P2RY2: variants seen among roughly 807,000 people sequenced by gnomAD.
The protein encoded by P2RY2 is purinergic receptor P2Y2, also known as P2Y purinoceptor 2.
For missense variants in P2RY2, 567 were observed against 515.7 expected, an observed-to-expected ratio of 1.10 and a Z score of -0.96; for synonymous variants, 241 against 231.9, an observed-to-expected ratio of 1.04 and a Z score of -0.35.
Position 73,234,418 on chromosome 11 carries a change from C to A in P2RY2, c.259C>A (p.Pro87Thr), listed in dbSNP as rs150943080. ...TGATGCACTGTATGCGGCCTCCCTG[C>A]CGCTGCTGGTCTATTACTACGCCCG... ...VSDALYAASL[P>T]LLVYYYARGD... The change falls in exon 3 of 3, where the codon CCG becomes ACG. Residue 87 changes from proline to threonine, a missense_variant. Coordinates refer to ENST00000393597, the MANE Select transcript of P2RY2 (RefSeq NM_002564.4). 3.7e-6 allele frequency: 6 copies of A among 1,614,088 alleles called. No homozygotes were observed. The African/African-American group carries it at 8.0e-5, about 22-fold the overall frequency.
chr11:73,222,962 C>T (rs561257298), intron 1 of P2RY2, among the ~76,000 whole-genome samples: 1 of 152,326 alleles, frequency 6.6e-6, no homozygotes, highest in East Asian at 1.9e-4. Flanking sequence ...AGGCCAGGTG[C>T]ACCAGAGCAT....
Position 73,236,785 on chromosome 11 carries a change from G to C in P2RY2, c.*1492G>C, listed in dbSNP as rs568668794. On this transcript the variant is annotated 3_prime_UTR_variant, in exon 3 of 3. Coordinates refer to ENST00000393597, the MANE Select transcript of P2RY2 (RefSeq NM_002564.4). Reference sequence around the variant, plus strand: ...GAATGGCAGGGTGGTGCTCAGGCTGGGTCAGGACTTAGTATGGGGGAGATG... The same window carrying C: ...GAATGGCAGGGTGGTGCTCAGGCTGCGTCAGGACTTAGTATGGGGGAGATG... 3 of 985,282 alleles carry C rather than the reference G, an allele frequency of 3.0e-6. No homozygotes were observed. The African/African-American group carries it at 5.2e-5, about 17-fold the overall frequency. The allele number at this position is 985,282 out of a possible 1,614,324, so 61.0% of individuals were successfully genotyped here.
intron 2 of P2RY2, among the ~76,000 whole-genome samples, chr11:73,233,259 G>T (rs1862512463): frequency 6.6e-6 from 1 of 152,226 alleles, no homozygotes; most frequent in Non-Finnish European, 1.5e-5. Context: ...GATAGATATA[G>T]AAAGTGCCAG....
At chr11:73,224,745 C>A (rs1485093437) in intron 1 of P2RY2, among the ~76,000 whole-genome samples, 1 of 152,190 alleles carries the variant, frequency 6.6e-6, no homozygotes, top group Non-Finnish European at 1.5e-5. Flanking sequence ...CTGGTTGTGA[C>A]CTTCCTGTAT....
chr11:73,230,773 G>T (rs1862429611), intron 2 of P2RY2, among the ~76,000 whole-genome samples: 1 of 152,140 alleles, frequency 6.6e-6, no homozygotes, highest in African/African-American at 2.4e-5. Flanking sequence ...GGTTGGGGCG[G>T]GTGAGGTTGG....
At position 73,234,517 on chromosome 11, in the gene P2RY2, A is replaced by G; in HGVS notation, c.358A>G (p.Ser120Gly). 6.2e-7 allele frequency: 1 copy of G among 1,612,234 alleles called. No individual in the cohort carries two copies. Among genetic ancestry groups the G allele is most frequent in the Non-Finnish European group, 8.5e-7 (1 of 1,178,746 alleles). Residue 120 changes from serine (S) to glycine (G), a missense_variant, in exon 3 of 3, where the codon AGC (serine) becomes GGC (glycine). By Grantham distance (56) the Ser-to-Gly change is moderately conservative. Transcript: ENST00000393597. ...RFLFYTNLYC[S>G]ILFLTCISVH... ...CCTCTTCTACACCAACCTTTACTGC[A>G]GCATCCTCTTCCTCACCTGCATCAG...
chr11:73,219,479 T>C (rs1862058882), intron 1 of P2RY2, among the ~76,000 whole-genome samples: 1 of 152,178 alleles, frequency 6.6e-6, no homozygotes, highest in Non-Finnish European at 1.5e-5. Context: ...TTGAGGGCTG[T>C]TGAGGAGCTG....
At position 73,241,031 on chromosome 11, in the gene P2RY2, G is replaced by A. The variant is rs1056418743; in HGVS notation, c.*5738G>A. 6 of 152,194 alleles carry A rather than the reference G, an allele frequency of 3.9e-5. No individual in the cohort carries two copies. The highest frequency in any genetic ancestry group is 2.0e-4 in the Admixed American group (3 of 15,278). The allele number at this position is 152,194 out of a possible 1,614,324, so 9.4% of individuals were successfully genotyped here. A position where few individuals can be genotyped will look rare whatever the true frequency, so the allele number is the denominator to read the frequency against. The stretch of plus-strand genomic sequence containing the variant: ...TCCTAAGGGTGCAGCCCTCATGAAT[G>A]GGTTTAGTGCCCTTACAGAATGGAC... On this transcript the variant is annotated 3_prime_UTR_variant, in exon 3 of 3. Transcript: ENST00000393597.
At position 73,237,587 on chromosome 11, in the gene P2RY2, C is replaced by T. The variant is rs535437949; in HGVS notation, c.*2294C>T. ...TTAATGATTGCCTGTTACAAACCACCCTTGAGCCTTTCCCACAGGCCCGAG... is the reference window on the plus strand; with the variant it reads ...TTAATGATTGCCTGTTACAAACCACTCTTGAGCCTTTCCCACAGGCCCGAG... On this transcript the variant is annotated 3_prime_UTR_variant, in exon 3 of 3. Transcript: ENST00000393597. Among the ~76,000 whole-genome samples the T allele has an allele frequency of 1.8e-4, 27 of 152,252 alleles. 1 individual carries two copies. In the South Asian group the frequency reaches 5.6e-3, roughly 32 times the overall value.
intron 1 of P2RY2, among the ~76,000 whole-genome samples, chr11:73,227,072 C>T (rs1862299119): frequency 6.6e-6 from 1 of 152,130 alleles, no homozygotes; most frequent in African/African-American, 2.4e-5. Flanking sequence ...AATGTTATCC[C>T]TCCCCTAGCC....
At position 73,240,239 on chromosome 11, in the gene P2RY2, TG is replaced by T. The variant is rs1565149451; in HGVS notation, c.*4951del. On this transcript the variant is annotated 3_prime_UTR_variant, in exon 3 of 3. Coordinates refer to ENST00000393597, the MANE Select transcript of P2RY2 (RefSeq NM_002564.4). ...GGCAGGGCCAGTCACCCCCTGTCCC[TG>T]GGGGCTCCACCCACGGCCCTGGACT... The T allele has an allele frequency of 6.6e-6, 1 of 152,566 alleles. No individual in the cohort carries two copies. The highest frequency in any genetic ancestry group is 1.5e-5 in the Non-Finnish European group (1 of 68,220). The allele number at this position is 152,566 out of a possible 1,614,324, so 9.5% of individuals were successfully genotyped here. A position where few individuals can be genotyped will look rare whatever the true frequency, so the allele number is the denominator to read the frequency against.
At chr11:73,222,169 C>T (rs1039821544) in intron 1 of P2RY2, among the ~76,000 whole-genome samples, 1 of 152,114 alleles carries the variant, frequency 6.6e-6, no homozygotes, top group Non-Finnish European at 1.5e-5. Flanking sequence ...GGGAAAGGGA[C>T]CTCCCTCAGA....
rs1862671997 is a variant in P2RY2 at position 73,237,083 on chromosome 11, C to T, written c.*1790C>T. ...CCCCAAAGCTTGCTGTATTTGGAGC[C>T]TGACTCCACAGCGCCCTCATGTGAC... On this transcript the variant is annotated 3_prime_UTR_variant, in exon 3 of 3. Transcript: ENST00000393597. 1 of 985,260 alleles carries T rather than the reference C, an allele frequency of 1.0e-6. No individual in the cohort carries two copies. The highest frequency in any genetic ancestry group is 1.7e-5 in the African/African-American group (1 of 57,208). 61.0% of individuals were successfully genotyped at this position (985,260 alleles called of 1,614,324 possible).
rs900443102 is a variant in P2RY2, at chr11:73,235,478, C to T, written c.*185C>T. The T allele has an allele frequency of 1.5e-6, 2 of 1,343,206 alleles. No individual in the cohort carries two copies. Among genetic ancestry groups the T allele is most frequent in the South Asian group, 4.8e-5 (2 of 41,846 alleles). The allele number at this position is 1,343,206 out of a possible 1,614,324, so 83.2% of individuals were successfully genotyped here. On this transcript the variant is annotated 3_prime_UTR_variant, in exon 3 of 3. Coordinates refer to ENST00000393597, the MANE Select transcript of P2RY2 (RefSeq NM_002564.4). ...GGTCCAGAGTCAACTGTTCCCATAA[C>T]CCCTAGTCATCGTTTGTGTGTATAA...
chr11:73,221,595 G>A (rs1565134443), intron 1 of P2RY2, among the ~76,000 whole-genome samples: 1 of 152,172 alleles, frequency 6.6e-6, no homozygotes, highest in East Asian at 1.9e-4. Context: ...TGAGGGGAGT[G>A]GGGGTTGCCC....
At position 73,234,482 on chromosome 11, in the gene P2RY2, T is replaced by C; in HGVS notation, c.323T>C (p.Leu108Pro). The C allele has an allele frequency of 1.2e-6, 2 of 1,614,168 alleles. No homozygotes were observed. The highest frequency in any genetic ancestry group is 1.7e-6 in the Non-Finnish European group (2 of 1,180,016). Residue 108 changes from leucine to proline, a missense_variant, in exon 3 of 3, where the codon CTG (leucine) becomes CCG (proline). By Grantham distance (98) the Leu-to-Pro change is moderately conservative. Coordinates refer to ENST00000393597, the MANE Select transcript of P2RY2 (RefSeq NM_002564.4). ...HWPFSTVLCK[L>P]VRFLFYTNLY... ...CCCTTCAGCACGGTGCTCTGCAAGC[T>C]GGTGCGCTTCCTCTTCTACACCAAC...
At position 73,234,721 on chromosome 11, in the gene P2RY2, G is replaced by GCTCTT; in HGVS notation, c.563_564insTCTTC (p.Pro189LeufsTer40). On this transcript the variant is annotated frameshift_variant, in exon 3 of 3. Coordinates refer to ENST00000393597, the MANE Select transcript of P2RY2 (RefSeq NM_002564.4). LOFTEE classifies it low-confidence loss of function (END_TRUNC). ...CCGCGTAACCTGCCACGACACCTCGGCACCCGAGCTCTTCAGCCGCTTCGT... is the reference window on the plus strand; with the variant it reads ...CCGCGTAACCTGCCACGACACCTCGGCTCTTCACCCGAGCTCTTCAGCCGCTTCGT... 1.2e-6 allele frequency: 2 copies of GCTCTT among 1,608,644 alleles called. No individual in the cohort carries two copies. Among genetic ancestry groups the GCTCTT allele is most frequent in the Non-Finnish European group, 1.7e-6 (2 of 1,179,358 alleles).
rs1171882907 is a variant in P2RY2, at chr11:73,235,036, C to A, written c.877C>A (p.Pro293Thr). 1 of 1,608,280 alleles carries A rather than the reference C, an allele frequency of 6.2e-7. No homozygotes were observed. Among genetic ancestry groups the A allele is most frequent in the Admixed American group, 1.7e-5 (1 of 60,028 alleles). Residue 293 changes from proline to threonine, a missense_variant, in exon 3 of 3, where the codon CCG becomes ACG. Pro to Thr is a conservative substitution (Grantham distance 38, BLOSUM62 -1). Transcript: ENST00000393597. ...AINMAYKVTR[P>T]LASANSCLDP... The stretch of plus-strand genomic sequence containing the variant: ...CAACATGGCCTACAAGGTTACCCGG[C>A]CGCTGGCCAGTGCTAACAGTTGCCT...
In P2RY2 at chr11:73,235,315, G is replaced by A. The variant is rs759522848; in HGVS notation, c.*22G>A. The A allele has an allele frequency of 1.3e-6, 2 of 1,525,224 alleles. No homozygotes were observed. Among genetic ancestry groups the A allele is most frequent in the South Asian group, 1.3e-5 (1 of 76,598 alleles). 94.5% of individuals were successfully genotyped at this position (1,525,224 alleles called of 1,614,324 possible). ...GTAGGAGCAGAACACTTCAGCCTGT[G>A]CAGGTTTATATTGGGAAGCTGTAGA... On this transcript the variant is annotated 3_prime_UTR_variant, in exon 3 of 3. Transcript: ENST00000393597.
Sources: gnomAD v4.1 joint callset for allele counts (sites outside exome capture counted in the v4.1 genomes callset) on GRCh38, gnomAD v4.1.1 for gene constraint, MANE v1.5 for transcripts, NCBI Gene and HGNC (gene_info 2026-07-23, HGNC 2026-07-21) for gene names.